Variants in GOLGB1 observed in about 807,000 individuals in gnomAD.
GOLGB1 encodes the protein golgin subfamily B member 1.
In GOLGB1, 174 loss-of-function variants were observed where a neutral mutation model predicts 336.9. The observed-to-expected ratio is 0.52, with a 90% CI of 0.46 to 0.59. The LOEUF (loss-of-function observed/expected upper bound fraction) is 0.59, where lower values mean the gene tolerates loss of function less well. Ranked by LOEUF, GOLGB1 falls within the 20% of genes least tolerant of loss-of-function variation. The pLI is 0.00. For missense variants in GOLGB1, 3,331 were observed against 3,645.3 expected (o/e 0.91, Z 2.22); for synonymous variants, 1,208 against 1,289.2 (o/e 0.94, Z 1.35).
chr3:121,676,815 T>C, intron 17 of GOLGB1, 78 bp downstream of exon 17: 1 of 1,251,098 alleles, frequency 8.0e-7, no homozygotes, highest in Non-Finnish European at 1.2e-6. Context: ...GACTCTATGC[T>C]GAATTGGCTT....
chr3:121,747,267 ATGTATATATGTATATATGTATATATATG>A (rs1560351747), intron 1 of GOLGB1, among the ~76,000 whole-genome samples: 3 of 133,056 alleles, frequency 2.3e-5, no homozygotes, highest in South Asian at 2.4e-4. Context: ...GTATATATAT[ATGTATATATGTATATATGTATATATATG>A]TGTATATATG....
chr3:121,695,799 T>C lies in GOLGB1; in HGVS notation c.4724A>G (p.Glu1575Gly). 6.2e-7 allele frequency: 1 copy of C among 1,613,850 alleles called. No homozygotes were observed. The highest frequency in any genetic ancestry group is 8.5e-7 in the Non-Finnish European group (1 of 1,180,010). The change falls in exon 13 of 22, where the codon GAA (glutamate) becomes GGA (glycine). Residue 1575 changes from glutamate (E) to glycine (G), a missense_variant. Physicochemically the swap from Glu to Gly is moderately conservative, Grantham distance 98. Transcript: ENST00000614479. Reference sequence around the variant, plus strand: ...ACCCTCTAGAGCTAGTTTTAGACTTTCACAGGAGCTGCTGAGACTCTGATT... The same window carrying C: ...ACCCTCTAGAGCTAGTTTTAGACTTCCACAGGAGCTGCTGAGACTCTGATT... ...LENQSLSSSC[E>G]SLKLALEGLT... is the part of the protein sequence containing the mutation.
At chr3:121,743,825 A>G (rs942446513) in intron 1 of GOLGB1, among the ~76,000 whole-genome samples, 1 of 152,202 alleles carries the variant, frequency 6.6e-6, no homozygotes, top group Admixed American at 6.5e-5. Context: ...AAAGAAAATG[A>G]AAAATTACAA....
At chr3:121,720,691 G>A (rs1359087820) in intron 6 of GOLGB1, among the ~76,000 whole-genome samples, 1 of 152,158 alleles carries the variant, frequency 6.6e-6, no homozygotes, top group Non-Finnish European at 1.5e-5. Context: ...TGTTTCAAGT[G>A]TGTAGGCACT....
In GOLGB1 at chr3:121,694,539, T is replaced by G. The variant is rs1372365430; in HGVS notation, c.5984A>C (p.Tyr1995Ser). ...CTGAGCACCTTGTATTTTCTCCAAA[T>G]ATTCCTTTCGTATTTCTGATTCCAC... ...TKVESEIRKEYLEKIQGAQKE... is the reference protein window; with the variant it reads ...TKVESEIRKESLEKIQGAQKE... The change falls in exon 13 of 22, where the codon TAT becomes TCT. Residue 1995 changes from tyrosine (Y) to serine (S), a missense_variant. Tyr to Ser is a moderately radical substitution (Grantham distance 144). Transcript: ENST00000614479. 6.2e-7 allele frequency: 1 copy of G among 1,612,774 alleles called. No individual in the cohort carries two copies. Among genetic ancestry groups the G allele is most frequent in the South Asian group, 1.1e-5 (1 of 91,022 alleles).
In GOLGB1 at chr3:121,698,400, G is replaced by C; in HGVS notation, c.2123C>G (p.Ala708Gly). 6.2e-7 allele frequency: 1 copy of C among 1,613,680 alleles called. No homozygotes were observed. Among genetic ancestry groups the C allele is most frequent in the East Asian group, 2.2e-5 (1 of 44,870 alleles). Residue 708 changes from alanine to glycine, a missense_variant, in exon 13 of 22, where the codon GCA becomes GGA. By Grantham distance (60) the Ala-to-Gly change is moderately conservative (BLOSUM62 0). Transcript: ENST00000614479. Reference sequence around the variant, plus strand: ...TAAATTTTTCTCATAGATTTCTTGTGCTTTATGAAAGTTTAGCTCGAGCTC... The same window carrying C: ...TAAATTTTTCTCATAGATTTCTTGTCCTTTATGAAAGTTTAGCTCGAGCTC... Reference protein sequence around the residue: ...ILELELNFHKAQEIYEKNLDE... With the variant: ...ILELELNFHKGQEIYEKNLDE...
In GOLGB1 at chr3:121,694,841, C is replaced by T; in HGVS notation, c.5682G>A (p.Glu1894=). The change falls in exon 13 of 22, where the codon GAG becomes GAA. Residue 1894 remains glutamate (E), a synonymous_variant. Coordinates refer to ENST00000614479, the MANE Select transcript of GOLGB1 (RefSeq NM_001366282.2). ...TTAACAGGTTCATTTTGGTTACTTC[C>T]TCCTGAAGCATTTTTAGTTCACCAT... ...TKDGELKMLQ[E]EVTKMNLLNQ... The T allele has an allele frequency of 6.2e-7, 1 of 1,613,788 alleles. No homozygotes were observed. Among genetic ancestry groups the T allele is most frequent in the Non-Finnish European group, 8.5e-7 (1 of 1,179,954 alleles).
Position 121,708,882 on chromosome 3 carries a change from A to G in GOLGB1, c.1404+5979T>C, listed in dbSNP as rs527820236. Among the ~76,000 whole-genome samples, 80 of 152,306 alleles carry G rather than the reference A, an allele frequency of 5.3e-4. 1 individual carries two copies. In the South Asian group the frequency reaches 0.016, roughly 30 times the overall value. On this transcript the variant is annotated intron_variant, in intron 10 of 21. Transcript: ENST00000614479. ...AGACCTAAATCCAATCACATCAATA[A>G]TTACATTAAAAGGACTAGGCACTCC...
rs770543826 is a variant in GOLGB1 at position 121,690,984 on chromosome 3, C to T, written c.8380G>A (p.Ala2794Thr). 4.3e-5 allele frequency: 69 copies of T among 1,613,776 alleles called. No individual in the cohort carries two copies. The highest frequency in any genetic ancestry group is 2.1e-4 in the African/African-American group (16 of 74,930). Residue 2794 changes from alanine (A) to threonine (T), a missense_variant, in exon 14 of 22, where the codon GCC becomes ACC. By Grantham distance (58) the Ala-to-Thr change is moderately conservative. Transcript: ENST00000614479. ...TCCTCAGTGGAGTTCATTGAAAAGGCGGTTTCAGAAAGAAGAGCATCTCTC... is the reference window on the plus strand; with the variant it reads ...TCCTCAGTGGAGTTCATTGAAAAGGTGGTTTCAGAAAGAAGAGCATCTCTC... ...RERDALLSET[A>T]FSMNSTEENS...
intron 13 of GOLGB1, among the ~76,000 whole-genome samples, chr3:121,692,908 C>T (rs780922830): frequency 1.3e-5 from 2 of 152,192 alleles, no homozygotes; most frequent in East Asian, 1.9e-4. Context: ...GACAAGCTAA[C>T]GTTTGGCTTC....
rs1228386276 is a variant in GOLGB1 at position 121,730,948 on chromosome 3, T to C, written c.24A>G (p.Leu8=). The change falls in exon 2 of 22, where the codon TTA becomes TTG. Residue 8 remains leucine, a synonymous_variant. Coordinates refer to ENST00000614479, the MANE Select transcript of GOLGB1 (RefSeq NM_001366282.2). MLSRLSG[L]ANVVLHELSG... is the part of the protein sequence containing the mutation. ...ATAATTCATGCAAAACAACATTTGC[T>C]AATCCTGATAATCGGCTCAGCATTT... 6.2e-7 allele frequency: 1 copy of C among 1,612,774 alleles called. No individual in the cohort carries two copies. Among genetic ancestry groups the C allele is most frequent in the Non-Finnish European group, 8.5e-7 (1 of 1,179,630 alleles).
Position 121,698,196 on chromosome 3 carries a change from A to T in GOLGB1, c.2327T>A (p.Met776Lys). The T allele has an allele frequency of 6.2e-7, 1 of 1,613,692 alleles. No homozygotes were observed. The highest frequency in any genetic ancestry group is 2.2e-5 in the East Asian group (1 of 44,874). ...TTGCCTTTCTGCTTCTGCAAGGTTC[A>T]TTTCCAGTTGCTTTACCTGAGCCCT... ...ELRAQVKQLE[M>K]NLAEAERQRR... The change falls in exon 13 of 22, where the codon ATG becomes AAG. Residue 776 changes from methionine (M) to lysine (K), a missense_variant. By Grantham distance (95) the Met-to-Lys change is moderately conservative. Coordinates refer to ENST00000614479, the MANE Select transcript of GOLGB1 (RefSeq NM_001366282.2).
chr3:121,707,940 G>A (rs2108002981), intron 10 of GOLGB1, among the ~76,000 whole-genome samples: 1 of 152,232 alleles, frequency 6.6e-6, no homozygotes, highest in African/African-American at 2.4e-5. Flanking sequence ...TAACTGCAAT[G>A]GTAGTTAAGA....
Position 121,729,278 on chromosome 3 carries a change from T to C in GOLGB1, c.312A>G (p.Leu104=). ...KKLKLHAKAK[L]TSLNKYIEEM... is the part of the protein sequence containing the mutation. ...CTTCTATGTATTTATTCAAAGAAGT[T>C]AATTTGGCCTTCGCATGAAGTTTTA... Residue 104 remains leucine, a synonymous_variant, in exon 4 of 22, where the codon TTA becomes TTG. Coordinates refer to ENST00000614479, the MANE Select transcript of GOLGB1 (RefSeq NM_001366282.2). The C allele has an allele frequency of 6.2e-7, 1 of 1,612,158 alleles. No homozygotes were observed. Among genetic ancestry groups the C allele is most frequent in the Non-Finnish European group, 8.5e-7 (1 of 1,178,230 alleles).
chr3:121,695,914 T>C lies in GOLGB1; in HGVS notation c.4609A>G (p.Lys1537Glu). The change falls in exon 13 of 22, where the codon AAA becomes GAA. Residue 1537 changes from lysine to glutamate, a missense_variant. By Grantham distance (56) the Lys-to-Glu change is moderately conservative (BLOSUM62 1). Coordinates refer to ENST00000614479, the MANE Select transcript of GOLGB1 (RefSeq NM_001366282.2). ...CTTCCTAAGACCGTATCTTTTTCTTTATTTTGAGCAGAAACTTGGCTTTCC... is the reference window on the plus strand; with the variant it reads ...CTTCCTAAGACCGTATCTTTTTCTTCATTTTGAGCAGAAACTTGGCTTTCC... ...DVESQVSAQN[K>E]EKDTVLGRLA... 6.2e-7 allele frequency: 1 copy of C among 1,613,524 alleles called. No individual in the cohort carries two copies. Among genetic ancestry groups the C allele is most frequent in the South Asian group, 1.1e-5 (1 of 90,926 alleles).
Position 121,697,127 on chromosome 3 carries a change from T to G in GOLGB1, c.3396A>C (p.Thr1132=). ...ENQAIIQKLI[T]SNTDASDGDS... ...CCCCATCACTTGCATCCGTGTTACT[T>G]GTGATTAACTTCTGGATAATTGCTT... The change falls in exon 13 of 22, where the codon ACA becomes ACC. Residue 1132 remains threonine, a synonymous_variant. Coordinates refer to ENST00000614479, the MANE Select transcript of GOLGB1 (RefSeq NM_001366282.2). The G allele has an allele frequency of 6.2e-7, 1 of 1,614,148 alleles. No homozygotes were observed. Among genetic ancestry groups the G allele is most frequent in the South Asian group, 1.1e-5 (1 of 91,080 alleles).
intron 10 of GOLGB1, among the ~76,000 whole-genome samples, chr3:121,707,769 A>T (rs1228165948): frequency 2.0e-5 from 3 of 152,156 alleles, no homozygotes; most frequent in Admixed American, 6.5e-5. Context: ...AACCACAACC[A>T]TTTGTTTACC....
Position 121,682,156 on chromosome 3 carries a change from A to G in GOLGB1, c.8695-291T>C, listed in dbSNP as rs151079586. The stretch of plus-strand genomic sequence containing the variant: ...GTCCTAAGTTCACTTTAGGGCTACA[A>G]TTCTGACGTGGGGTAGACTTAAGAG... On this transcript the variant is annotated intron_variant, in intron 14 of 21. Coordinates refer to ENST00000614479, the MANE Select transcript of GOLGB1 (RefSeq NM_001366282.2). 3.3e-5 allele frequency among the ~76,000 whole-genome samples: 5 copies of G among 152,328 alleles called. No individual in the cohort carries two copies. In the East Asian group the frequency reaches 9.6e-4, roughly 29 times the overall value.
chr3:121,728,449 A>G (rs1945834587), intron 4 of GOLGB1, among the ~76,000 whole-genome samples: 1 of 152,350 alleles, frequency 6.6e-6, no homozygotes, highest in South Asian at 2.1e-4. Context: ...CTATAACTAC[A>G]GTATGCATGT....
Sources: allele counts gnomAD v4.1 joint callset (sites outside exome capture counted in the v4.1 genomes callset), GRCh38; gene constraint gnomAD v4.1.1; transcripts MANE v1.5; gene names NCBI Gene and HGNC (gene_info 2026-07-23, HGNC 2026-07-21).